Variants in PPP4R4 observed in about 807,000 individuals in gnomAD.
PPP4R4 encodes protein phosphatase 4 regulatory subunit 4.
Under a neutral mutation model 121.8 loss-of-function variants are expected in PPP4R4, and 70 were observed. That is an observed-to-expected ratio of 0.57 (90% CI 0.47 to 0.70). The LOEUF (loss-of-function observed/expected upper bound fraction) is 0.70. PPP4R4 is among the 30% of genes least tolerant of loss of function. The probability of loss-of-function intolerance (pLI) is 0.00; values close to 1 mark genes in which losing one functional copy is unlikely to be tolerated. For synonymous variants in PPP4R4, 348 were observed against 355.7 expected (o/e 0.98, Z 0.24); for missense variants, 875 against 1,033.6 (o/e 0.85, Z 2.10).
At chr14:94,189,646 G>A (rs906120346) in intron 2 of PPP4R4, among the ~76,000 whole-genome samples, 1 of 152,084 alleles carries the variant, frequency 6.6e-6, no homozygotes, top group Non-Finnish European at 1.5e-5. Context: ...CTGTTTGCTG[G>A]GCACCTCCAC....
At position 94,265,423 on chromosome 14, in the gene PPP4R4, A is replaced by G. The variant is rs1893993834; in HGVS notation, c.2234A>G (p.Lys745Arg). 6.2e-7 allele frequency: 1 copy of G among 1,613,458 alleles called. No homozygotes were observed. The highest frequency in any genetic ancestry group is 1.7e-5 in the Admixed American group (1 of 60,024). The change falls in exon 21 of 25, where the codon AAG becomes AGG. Residue 745 changes from lysine to arginine, a missense_variant. Lys to Arg is a conservative substitution (Grantham distance 26). Transcript: ENST00000304338. ...AAGACACCAACGCAAAGTCTGCCCA[A>G]GAACATCCCCATTTCTGTTCCTGGA... ...DTKTPTQSLP[K>R]NIPISVPGPS...
intron 3 of PPP4R4, chr14:94,227,225 G>A: frequency 2.3e-6 from 3 of 1,325,654 alleles, no homozygotes; most frequent in Non-Finnish European, 3.2e-6. Flanking sequence ...AAGAGGAATG[G>A]TAACTGGCTT....
At chr14:94,256,675 C>G in intron 17 of PPP4R4, 71 bp downstream of exon 17, 1 of 1,360,546 alleles carries the variant, frequency 7.3e-7, no homozygotes, top group Non-Finnish European at 1.0e-6. Flanking sequence ...TTCACTATTT[C>G]AGCTTGACAG....
At chr14:94,270,521 A>G (rs1236817362) in intron 23 of PPP4R4, among the ~76,000 whole-genome samples, 3 of 152,234 alleles carry the variant, frequency 2.0e-5, no homozygotes, top group Non-Finnish European at 4.4e-5. Context: ...ATTGTGTTCT[A>G]TGTTGTCATA....
intron 23 of PPP4R4, among the ~76,000 whole-genome samples, chr14:94,272,149 A>G (rs1395343647): frequency 6.6e-6 from 1 of 152,244 alleles, no homozygotes; most frequent in Admixed American, 6.5e-5. Flanking sequence ...TTTGGTGGAT[A>G]TCAACAAACT....
At chr14:94,183,799 G>A (rs534415775) in intron 2 of PPP4R4, among the ~76,000 whole-genome samples, 1 of 151,914 alleles carries the variant, frequency 6.6e-6, no homozygotes, top group Non-Finnish European at 1.5e-5. Context: ...TGTAAGCATA[G>A]TGTTTTATTA....
rs111263630 is a variant in PPP4R4, at chr14:94,236,681, C to T, written c.732-884C>T. Among the ~76,000 whole-genome samples the T allele has an allele frequency of 8.0e-3, 1,221 of 152,240 alleles. 15 individuals are homozygous for T. Among genetic ancestry groups the T allele is most frequent in the African/African-American group, 0.028 (1,151 of 41,548 alleles). ...AAAGAAAATTAGAGCTTTAGTTCCT[C>T]ATTCATAATAAACTTATTTTAAAAA... On this transcript the variant is annotated intron_variant, in intron 7 of 24. Coordinates refer to ENST00000304338, the MANE Select transcript of PPP4R4 (RefSeq NM_058237.2).
intron 2 of PPP4R4, among the ~76,000 whole-genome samples, chr14:94,180,865 C>G (rs1038513434): frequency 6.6e-6 from 1 of 151,936 alleles, no homozygotes; most frequent in African/African-American, 2.4e-5. Flanking sequence ...AAGTGCTCCC[C>G]CTAGTGATAT....
intron 8 of PPP4R4, 35 bp from the exon 9 acceptor site, chr14:94,240,638 A>ATTTAAAGTATGTATTAT: frequency 6.3e-7 from 1 of 1,578,850 alleles, no homozygotes; most frequent in East Asian, 2.3e-5. Context: ...GGACGACTGA[A>ATTTAAAGTATGTATTAT]TTTAAAGTAT....
intron 3 of PPP4R4, among the ~76,000 whole-genome samples, chr14:94,228,779 T>G (rs928831598): frequency 2.0e-5 from 3 of 152,054 alleles, no homozygotes; most frequent in African/African-American, 7.2e-5. Context: ...TGCTAGGAGG[T>G]GGGGACACAT....
intron 3 of PPP4R4, among the ~76,000 whole-genome samples, chr14:94,224,397 C>G (rs1420682324): frequency 1.3e-5 from 2 of 152,126 alleles, no homozygotes; most frequent in Non-Finnish European, 2.9e-5. Context: ...ATCTGTTACC[C>G]TTACCTGAGC....
intron 18 of PPP4R4, 64 bp downstream of exon 18, chr14:94,258,888 C>A: frequency 2.2e-6 from 3 of 1,354,950 alleles, no homozygotes; most frequent in South Asian, 2.4e-5. Flanking sequence ...AAGACATACC[C>A]AAGACTGGGC....
Position 94,256,562 on chromosome 14 carries a change from G to A in PPP4R4, c.1968G>A (p.Leu656=), listed in dbSNP as rs1309031718. Residue 656 remains leucine (L), a synonymous_variant, in exon 17 of 25, where the codon CTG becomes CTA. Transcript: ENST00000304338. ...TAGAAATGTGTGTGAGGAAACTCCT[G>A]TGTCAAGAAAAAGATAAAGATGTTC... ...QQLEMCVRKL[L]CQEKDKDVLA... The A allele has an allele frequency of 4.4e-6, 7 of 1,605,780 alleles. No homozygotes were observed. Among genetic ancestry groups the A allele is most frequent in the Non-Finnish European group, 6.0e-6 (7 of 1,173,088 alleles).
chr14:94,228,803 A>G (rs571051506), intron 3 of PPP4R4, among the ~76,000 whole-genome samples: 1 of 152,330 alleles, frequency 6.6e-6, no homozygotes, highest in East Asian at 1.9e-4. Flanking sequence ...GCTTGTGTCC[A>G]GTTTTGAAAG....
At chr14:94,257,701 C>G (rs761191947) in intron 17 of PPP4R4, among the ~76,000 whole-genome samples, 30 of 151,046 alleles carry the variant, frequency 2.0e-4, no homozygotes, top group Non-Finnish European at 3.4e-4. Context: ...CAGTTCCTTC[C>G]TTACTATTTA....
intron 2 of PPP4R4, among the ~76,000 whole-genome samples, chr14:94,201,769 C>T (rs956427586): frequency 3.9e-5 from 6 of 151,994 alleles, no homozygotes; most frequent in African/African-American, 1.4e-4. Context: ...CTTATCCATT[C>T]TGTGATTCTG....
intron 2 of PPP4R4, among the ~76,000 whole-genome samples, chr14:94,206,828 C>T (rs180881765): frequency 7.9e-4 from 120 of 152,042 alleles, no homozygotes; most frequent in African/African-American, 2.8e-3. Context: ...AACAAATTAC[C>T]GCAAACCAGG....
chr14:94,230,658 C>T lies in PPP4R4; in HGVS notation c.366C>T (p.Asp122=), dbSNP rs1253179862. ...TGTCATTTCTGACCATTCTGCAGGA[C>T]GAATCAGTGTCAATTCATGCATATA... ...AAMSFLTILQ[D]ESVSIHAYTH... Residue 122 remains aspartate, a synonymous_variant, in exon 4 of 25, where the codon GAC becomes GAT. Transcript: ENST00000304338. 7 of 1,612,204 alleles carry T rather than the reference C, an allele frequency of 4.3e-6. No individual in the cohort carries two copies. The highest frequency in any genetic ancestry group is 1.3e-5 in the African/African-American group (1 of 74,902).
intron 2 of PPP4R4, among the ~76,000 whole-genome samples, chr14:94,193,205 T>TA (rs1377383730): frequency 6.6e-6 from 1 of 152,164 alleles, no homozygotes; most frequent in African/African-American, 2.4e-5. Context: ...GCAGCAAAGT[T>TA]ACACAGTTTT....
Sources: gnomAD v4.1 joint callset for allele counts (sites outside exome capture counted in the v4.1 genomes callset) on GRCh38, gnomAD v4.1.1 for gene constraint, MANE v1.5 for transcripts, NCBI Gene and HGNC (gene_info 2026-07-23, HGNC 2026-07-21) for gene names.